The following CEMIP2 variants were observed in gnomAD, a reference collection of about 807,000 sequenced individuals.
The protein encoded by CEMIP2 is cell surface hyaluronidase CEMIP2.
In CEMIP2, 79 loss-of-function variants were observed where a neutral mutation model predicts 146.9. The ratio of observed to expected loss-of-function variants is 0.54; its 90% CI spans 0.45 to 0.65. CEMIP2 has a LOEUF of 0.65. Ranked by LOEUF, CEMIP2 falls within the 30% of genes least tolerant of loss-of-function variation. The pLI is 0.00. For synonymous variants in CEMIP2, 601 were observed against 606.3 expected (o/e 0.99, Z 0.13); for missense variants, 1,596 against 1,696.2 (o/e 0.94, Z 1.04).
Position 71,684,939 on chromosome 9 carries a change from T to A in CEMIP2, c.*258A>T. 2.5e-6 allele frequency: 1 copy of A among 401,594 alleles called. No homozygotes were observed. Among genetic ancestry groups the A allele is most frequent in the South Asian group, 7.4e-5 (1 of 13,442 alleles). The allele number at this position is 401,594 out of a possible 1,614,324, so 24.9% of individuals were successfully genotyped here. On this transcript the variant is annotated 3_prime_UTR_variant, in exon 24 of 24. Coordinates refer to ENST00000377044, the MANE Select transcript of CEMIP2 (RefSeq NM_013390.3). ...TCATGGTCATTACAAAATACGGGGG[T>A]GGAAAGTGAGGAATAAGAGATCTGC...
chr9:71,738,073 C>G (rs974068242), intron 5 of CEMIP2, among the ~76,000 whole-genome samples: 2 of 152,004 alleles, frequency 1.3e-5, no homozygotes, highest in African/African-American at 4.8e-5. Context: ...CTTTCAAAGC[C>G]TCTATATTAT....
intron 1 of CEMIP2, among the ~76,000 whole-genome samples, chr9:71,756,145 G>A (rs1824434989): frequency 6.8e-6 from 1 of 147,708 alleles, no homozygotes; most frequent in African/African-American, 2.5e-5. Context: ...ACAAATGATT[G>A]TTGAATTTAG....
chr9:71,756,092 G>T (rs1178651815), intron 1 of CEMIP2, among the ~76,000 whole-genome samples: 1 of 149,938 alleles, frequency 6.7e-6, no homozygotes, highest in Non-Finnish European at 1.5e-5. Flanking sequence ...GGAGTGATTG[G>T]TATTCTCGCA....
At chr9:71,743,184 T>C (rs191127204) in intron 4 of CEMIP2, among the ~76,000 whole-genome samples, 10 of 152,352 alleles carry the variant, frequency 6.6e-5, no homozygotes, top group Admixed American at 3.3e-4. Flanking sequence ...CTTCCATTTA[T>C]ATAAAGTTGA....
Position 71,730,976 on chromosome 9 carries a change from AT to A in CEMIP2, c.1564-63del, listed in dbSNP as rs568182360. On this transcript the variant is annotated intron_variant, in intron 7 of 23. Coordinates refer to ENST00000377044, the MANE Select transcript of CEMIP2 (RefSeq NM_013390.3). ...TCAGAATAGGGAAGTAGCAAAAAAT[AT>A]TGTTCTAGTAGAAAACATCCAAAGG... 78 of 1,356,992 alleles carry A rather than the reference AT, an allele frequency of 5.7e-5. No homozygotes were observed. In the African/African-American group the frequency reaches 9.0e-4, roughly 16 times the overall value. 84.1% of individuals were successfully genotyped at this position (1,356,992 alleles called of 1,614,324 possible). A position where few individuals can be genotyped will look rare whatever the true frequency, so the allele number is the denominator to read the frequency against.
rs1824085281 is a variant in CEMIP2 at position 71,746,273 on chromosome 9, C to A, written c.400G>T (p.Val134Phe). 1 of 1,613,874 alleles carries A rather than the reference C, an allele frequency of 6.2e-7. No homozygotes were observed. Among genetic ancestry groups the A allele is most frequent in the Admixed American group, 1.7e-5 (1 of 59,984 alleles). The change falls in exon 3 of 24, where the codon GTT (valine) becomes TTT (phenylalanine). Residue 134 changes from valine to phenylalanine, a missense_variant. Physicochemically the swap from Val to Phe is conservative, Grantham distance 50 (BLOSUM62 -1). Coordinates refer to ENST00000377044, the MANE Select transcript of CEMIP2 (RefSeq NM_013390.3). ...CGGAGCATATCTCCCTCCTTGATAA[C>A]AACTTGCTTTGCAGAATCTTGTCCT... ...DPGQDSAKQVVIKEGDMLRLT... is the reference protein window; with the variant it reads ...DPGQDSAKQVFIKEGDMLRLT...
chr9:71,734,974 G>A lies in CEMIP2; in HGVS notation c.1225C>T (p.Arg409Trp), dbSNP rs151327312. Residue 409 changes from arginine (R) to tryptophan (W), a missense_variant, in exon 6 of 24, where the codon CGG becomes TGG. By Grantham distance (101) the Arg-to-Trp change is moderately radical. Transcript: ENST00000377044. The part of the protein sequence containing the change: ...WIEGVSLSGF[R>W]VEVVDGVKLN... ...TTCACTCCATCTACAACCTCTACCCGGAATCCTGAAAGAGAAACGCCTAAA... is the reference window on the plus strand; with the variant it reads ...TTCACTCCATCTACAACCTCTACCCAGAATCCTGAAAGAGAAACGCCTAAA... 69 of 1,606,492 alleles carry A rather than the reference G, an allele frequency of 4.3e-5. No individual in the cohort carries two copies. The highest frequency in any genetic ancestry group is 2.0e-4 in the East Asian group (9 of 44,742).
intron 5 of CEMIP2, among the ~76,000 whole-genome samples, chr9:71,739,361 CAAAAAAAAAAAAAAA>C (rs71353516): frequency 1.6e-4 from 7 of 42,818 alleles, no homozygotes; most frequent in Non-Finnish European, 1.9e-4. Context: ...GACTCTGTCT[CAAAAAAAAAAAAAAA>C]AAAAAAAAAA....
intron 7 of CEMIP2, 81 bp from the exon 8 acceptor site, chr9:71,730,995 T>C: frequency 8.9e-7 from 1 of 1,124,812 alleles, no homozygotes; most frequent in South Asian, 1.3e-5. Flanking sequence ...GTAGAAAACA[T>C]CCAAAGGAGA....
intron 11 of CEMIP2, 41 bp from the exon 12 acceptor site, chr9:71,722,556 C>A (rs369726480): frequency 1.4e-6 from 2 of 1,405,226 alleles, no homozygotes; most frequent in Admixed American, 1.8e-5. Flanking sequence ...ATATGAATCC[C>A]AACTTACAAC....
chr9:71,767,408 G>C (rs1366747336), intron 1 of CEMIP2, among the ~76,000 whole-genome samples: 1 of 152,206 alleles, frequency 6.6e-6, no homozygotes, highest in Non-Finnish European at 1.5e-5. Context: ...TCAAGGCAGT[G>C]AGTAGCTCAT....
intron 2 of CEMIP2, among the ~76,000 whole-genome samples, chr9:71,747,649 T>C (rs1488321646): frequency 1.3e-5 from 2 of 152,168 alleles, no homozygotes; most frequent in Non-Finnish European, 2.9e-5. Flanking sequence ...GGCAGGTACA[T>C]GTTTAGGAAT....
At chr9:71,746,051 C>G in intron 3 of CEMIP2, 150 bp downstream of exon 3, 1 of 881,362 alleles carries the variant, frequency 1.1e-6, no homozygotes, top group East Asian at 2.6e-5. Context: ...CTGGTTTTAT[C>G]TCATGATCTT....
At chr9:71,745,689 G>T in intron 3 of CEMIP2, 110 bp from the exon 4 acceptor site, 1 of 1,105,584 alleles carries the variant, frequency 9.0e-7, no homozygotes, top group East Asian at 2.4e-5. Flanking sequence ...TCGGAAAAAA[G>T]AATTCGCTAA....
Position 71,707,571 on chromosome 9 carries a change from G to A in CEMIP2, c.2985+1688C>T, listed in dbSNP as rs140415815. Among the ~76,000 whole-genome samples the A allele has an allele frequency of 1.3e-4, 20 of 152,266 alleles. No homozygotes were observed. In the East Asian group the frequency reaches 3.9e-3, roughly 29 times the overall value. On this transcript the variant is annotated intron_variant, in intron 17 of 23. Transcript: ENST00000377044. ...ACAAAGAAGAATTCTGATCCAAGAA[G>A]CTCCAATTATTGAAAGCTCAGGTGG...
chr9:71,731,731 CA>C (rs35175440), intron 7 of CEMIP2, among the ~76,000 whole-genome samples: 194 of 138,448 alleles, frequency 1.4e-3, no homozygotes, highest in African/African-American at 4.0e-3. Context: ...GACTGTATCT[CA>C]AAAAAAAAAA....
chr9:71,740,312 T>C (rs1055789227), intron 4 of CEMIP2, 80 bp from the exon 5 acceptor site: 22 of 1,513,552 alleles, frequency 1.5e-5, no homozygotes, highest in Non-Finnish European at 1.9e-5. Context: ...TATTACAGAG[T>C]GCTGTTTAAT....
At chr9:71,764,158 T>C (rs1035926011) in intron 1 of CEMIP2, among the ~76,000 whole-genome samples, 2 of 152,208 alleles carry the variant, frequency 1.3e-5, no homozygotes, top group Non-Finnish European at 2.9e-5. Context: ...TACAGTACTT[T>C]AAATTTCCAT....
rs144259733 is a variant in CEMIP2, at chr9:71,745,188, A to G, written c.864T>C (p.His288=). 2.0e-5 allele frequency: 33 copies of G among 1,614,116 alleles called. No individual in the cohort carries two copies. In the African/African-American group the frequency reaches 3.3e-4, roughly 16 times the overall value. ...KILESERFDT[H]EYRNESRRLQ... is the part of the protein sequence containing the mutation. ...GCCGCCTGCTCTCATTGCGGTATTC[A>G]TGGGTATCAAATCTCTCACTTTCCA... Residue 288 remains histidine, a synonymous_variant, in exon 4 of 24, where the codon CAT becomes CAC. Coordinates refer to ENST00000377044, the MANE Select transcript of CEMIP2 (RefSeq NM_013390.3).
Sources: allele counts gnomAD v4.1 joint callset (sites outside exome capture counted in the v4.1 genomes callset), GRCh38; gene constraint gnomAD v4.1.1; transcripts MANE v1.5; gene names NCBI Gene and HGNC (gene_info 2026-07-23, HGNC 2026-07-21).